SSBP4: variants seen among roughly 807,000 people sequenced by gnomAD.
SSBP4 encodes the protein single-stranded DNA-binding protein 4.
In SSBP4, 33 loss-of-function variants were observed where a neutral mutation model predicts 64.6. The ratio of observed to expected loss-of-function variants is 0.51; its 90% confidence interval spans 0.39 to 0.68. The LOEUF is 0.68. Ranked by LOEUF, SSBP4 falls within the 30% of genes least tolerant of loss-of-function variation. The pLI, the probability that SSBP4 is intolerant of heterozygous loss-of-function variation, is 0.00. For missense variants in SSBP4, 583 were observed against 566.8 expected (o/e 1.03, Z -0.29); for synonymous variants, 243 against 224.0 (o/e 1.08, Z -0.76).
chr19:18,416,013 G>A (rs1157162260), upstream of SSBP4, among the ~76,000 whole-genome samples: 1 of 152,064 alleles, frequency 6.6e-6, no homozygotes, highest in Non-Finnish European at 1.5e-5. Flanking sequence ...AGCTTCTTAG[G>A]TTTTTTTAGT....
upstream of SSBP4, among the ~76,000 whole-genome samples, chr19:18,418,432 G>A (rs1474275708): frequency 1.3e-5 from 2 of 152,196 alleles, no homozygotes; most frequent in Non-Finnish European, 2.9e-5. This position sits in a 1 kb window ranked among gnomAD's most constrained non-coding sequence, Gnocchi z 6.7. Flanking sequence ...CCTGGTGGGG[G>A]GATGAAGGGC....
intron 1 of SSBP4, among the ~76,000 whole-genome samples, chr19:18,422,122 C>T (rs942005416): frequency 3.9e-5 from 6 of 152,170 alleles, no homozygotes; most frequent in Non-Finnish European, 8.8e-5. Context: ...GATCGTGCCA[C>T]TGCCCTCCAG....
At position 18,432,894 on chromosome 19, in the gene SSBP4, G is replaced by A; in HGVS notation, c.841+11G>A. ...TGCCTAGCCCTGGAGGTATGGCCTA[G>A]TAAGAGGTGGGGGTGTGCTAGGGTG... On this transcript the variant is annotated intron_variant, in intron 13 of 17. Transcript: ENST00000270061. 8.1e-6 allele frequency: 13 copies of A among 1,614,074 alleles called. No homozygotes were observed. Among genetic ancestry groups the A allele is most frequent in the Non-Finnish European group, 1.1e-5 (13 of 1,179,996 alleles).
chr19:18,421,565 C>A lies in SSBP4; in HGVS notation c.59+1858C>A, dbSNP rs186447495. On this transcript the variant is annotated intron_variant, in intron 1 of 17. Transcript: ENST00000270061. ...GGGTCGGTGGCCCTGAAGAAGCCCC[C>A]ACCCCAGCAGGGAGGCAGGTATCCA... 2.0e-5 allele frequency among the ~76,000 whole-genome samples: 3 copies of A among 152,332 alleles called. 1 individual carries two copies. Among genetic ancestry groups the A allele is most frequent in the Admixed American group, 2.0e-4 (3 of 15,298 alleles).
At chr19:18,415,122 G>T (rs913616078), upstream of SSBP4, among the ~76,000 whole-genome samples, 3 of 150,046 alleles carry the variant, frequency 2.0e-5, no homozygotes, top group African/African-American at 7.4e-5. Context: ...TCCCACCCTG[G>T]TGTTGTTTGG....
the SSBP4 span, among the ~76,000 whole-genome samples, chr19:18,412,608 T>G: frequency 6.6e-6 from 1 of 152,154 alleles, no homozygotes; most frequent in Non-Finnish European, 1.5e-5. Flanking sequence ...TTTGCTGCTC[T>G]GAACCTTTCT....
At position 18,427,471 on chromosome 19, in the gene SSBP4, G is replaced by C; in HGVS notation, c.132+48G>C. 1 of 1,586,866 alleles carries C rather than the reference G, an allele frequency of 6.3e-7. No individual in the cohort carries two copies. The highest frequency in any genetic ancestry group is 1.1e-5 in the South Asian group (1 of 89,926). ...GCCCTCCCTCCTCACCCACACTCCG[G>C]GGGTCCTTCATTTCCACTGGGGATC... On this transcript the variant is annotated intron_variant, in intron 2 of 17. Coordinates refer to ENST00000270061, the MANE Select transcript of SSBP4 (RefSeq NM_032627.5). This position sits in a 1 kb window ranked among gnomAD's most constrained non-coding sequence, Gnocchi z 4.4.
rs1409384723 is a variant in SSBP4 at position 18,426,159 on chromosome 19, G to T, written c.60-1192G>T. 1 of 152,414 alleles carries T rather than the reference G, an allele frequency of 6.6e-6. No homozygotes were observed. Among genetic ancestry groups the T allele is most frequent in the African/African-American group, 2.4e-5 (1 of 41,434 alleles). The allele number at this position is 152,414 out of a possible 1,614,324, so 9.4% of individuals were successfully genotyped here. On this transcript the variant is annotated intron_variant, in intron 1 of 17. Coordinates refer to ENST00000270061, the MANE Select transcript of SSBP4 (RefSeq NM_032627.5). This position sits in a 1 kb window ranked among gnomAD's most constrained non-coding sequence, Gnocchi z 4.5. Reference sequence around the variant, plus strand: ...GGACTGGAAATCTGAAAGGGACTTGGGGGCCCTGATGGGTGGTGGGTGCTA... The same window carrying T: ...GGACTGGAAATCTGAAAGGGACTTGTGGGCCCTGATGGGTGGTGGGTGCTA...
chr19:18,429,899 G>C (rs774511702), intron 4 of SSBP4, among the ~76,000 whole-genome samples: 3 of 152,128 alleles, frequency 2.0e-5, no homozygotes, highest in Admixed American at 6.5e-5. Flanking sequence ...AGCCCCACAG[G>C]GGGAGGGAGG....
chr19:18,407,202 T>TA, the SSBP4 span, among the ~76,000 whole-genome samples: 2 of 151,704 alleles, frequency 1.3e-5, no homozygotes, highest in African/African-American at 4.8e-5. Context: ...CACGCCTGGC[T>TA]AATTTTTGTA....
At chr19:18,406,027 G>T in the SSBP4 span, among the ~76,000 whole-genome samples, 1 of 151,502 alleles carries the variant, frequency 6.6e-6, no homozygotes, top group Non-Finnish European at 1.5e-5. Context: ...AAAGAAGAGA[G>T]ATGGGGTTTT....
At chr19:18,406,633 G>A in the SSBP4 span, among the ~76,000 whole-genome samples, 4 of 151,888 alleles carry the variant, frequency 2.6e-5, no homozygotes, top group African/African-American at 9.7e-5. Context: ...GGGCCACAGA[G>A]TGAGGCCCTA....
the SSBP4 span, among the ~76,000 whole-genome samples, chr19:18,404,865 G>A: frequency 2.2e-5 from 3 of 134,086 alleles, no homozygotes; most frequent in African/African-American, 5.7e-5. Context: ...GCACTCCAGC[G>A]CAGGTAACAG....
intron 1 of SSBP4, among the ~76,000 whole-genome samples, chr19:18,421,484 G>A (rs1972463441): frequency 6.6e-6 from 1 of 152,222 alleles, no homozygotes; most frequent in African/African-American, 2.4e-5. Context: ...CAGCATATCT[G>A]CCCTGGGTGT....
chr19:18,409,637 C>A, the SSBP4 span, among the ~76,000 whole-genome samples: 86 of 152,284 alleles, frequency 5.6e-4, no homozygotes, highest in African/African-American at 2.0e-3. Flanking sequence ...GCTCTGTCAC[C>A]CAGGCTGGGG....
intron 17 of SSBP4, 198 bp downstream of exon 17, chr19:18,434,015 C>A (rs1973778598): frequency 5.5e-6 from 7 of 1,278,298 alleles, no homozygotes; most frequent in African/African-American, 4.7e-5. Flanking sequence ...TTCACCGTCC[C>A]GATCCCATCC....
At chr19:18,418,093 T>A (rs577390519), upstream of SSBP4, among the ~76,000 whole-genome samples, 27 of 152,092 alleles carry the variant, frequency 1.8e-4, no homozygotes, top group South Asian at 5.4e-3. This position sits in a 1 kb window ranked among gnomAD's most constrained non-coding sequence, Gnocchi z 6.7. Context: ...GCAACCTCAC[T>A]GAGCGACTCG....
chr19:18,429,508 C>T (rs1427283857), intron 4 of SSBP4, among the ~76,000 whole-genome samples: 1 of 151,078 alleles, frequency 6.6e-6, no homozygotes, highest in East Asian at 1.9e-4. Flanking sequence ...GACCAGGAAA[C>T]GCTCAGGCAC....
At chr19:18,418,217 C>G (rs1371927325), upstream of SSBP4, among the ~76,000 whole-genome samples, 2 of 152,318 alleles carry the variant, frequency 1.3e-5, no homozygotes, top group Non-Finnish European at 2.9e-5. This position sits in a 1 kb window ranked among gnomAD's most constrained non-coding sequence, Gnocchi z 6.7. Context: ...CGTGCACTCA[C>G]ACGGGAGCCG....
Sources: gnomAD v4.1 joint callset for allele counts (sites outside exome capture counted in the v4.1 genomes callset) on GRCh38, gnomAD v4.1.1 for gene constraint, Gnocchi (gnomAD v3.1) non-coding constraint, MANE v1.5 for transcripts, NCBI Gene and HGNC (gene_info 2026-07-23, HGNC 2026-07-21) for gene names.